DPP6: variants seen among roughly 807,000 people sequenced by gnomAD.
DPP6 encodes the protein A-type potassium channel modulatory protein DPP6.
A neutral mutation model predicts 122.6 loss-of-function variants in DPP6; 69 were observed. That is an observed-to-expected ratio of 0.56 (90% CI 0.46 to 0.69). DPP6 has a LOEUF of 0.69. DPP6 is among the 30% of genes least tolerant of loss of function. The probability of loss-of-function intolerance (pLI) is 0.00; values close to 1 mark genes in which losing one functional copy is unlikely to be tolerated. For synonymous variants in DPP6, 418 were observed against 433.1 expected (o/e 0.97, Z 0.43); for missense variants, 928 against 1,116.9 (o/e 0.83, Z 2.41).
chr7:154,306,617 T>C (rs898286764), intron 1 of DPP6, among the ~76,000 whole-genome samples: 4 of 152,198 alleles, frequency 2.6e-5, no homozygotes, highest in Non-Finnish European at 5.9e-5. Flanking sequence ...TTCAGAGACT[T>C]ACACGAAGAT....
intron 1 of DPP6, among the ~76,000 whole-genome samples, chr7:154,121,101 C>T (rs1426790296): frequency 1.3e-5 from 2 of 152,134 alleles, no homozygotes; most frequent in Non-Finnish European, 2.9e-5. Context: ...GGGGCGCCTT[C>T]CTCCATAACT....
At chr7:154,794,252 C>T in intron 11 of DPP6, 50 bp downstream of exon 11, 1 of 1,521,418 alleles carries the variant, frequency 6.6e-7, no homozygotes, top group Non-Finnish European at 8.9e-7. Flanking sequence ...AACCGATGGT[C>T]AGACGCGCCC....
In DPP6 at chr7:154,364,803, T is replaced by G. The variant is rs964899942; in HGVS notation, c.244-81411T>G. On this transcript the variant is annotated intron_variant, in intron 1 of 25. Transcript: ENST00000377770. ...ATGTCTTAACTTTTGCATTGGATGA[T>G]GTTACCTATGTTGGGAGTTACATCG... 3.3e-5 allele frequency among the ~76,000 whole-genome samples: 5 copies of G among 152,238 alleles called. No individual in the cohort carries two copies. In the East Asian group the frequency reaches 9.6e-4, roughly 29 times the overall value.
rs571749302 is a variant in DPP6 at position 153,968,211 on chromosome 7, G to A, written c.51+80477G>A. On this transcript the variant is annotated intron_variant, in intron 1 of 25. Coordinates refer to the DPP6 transcript ENST00000404039. ...CTCTGTAGCCTTGACAGCATTTGTT[G>A]TTATTTGACTTTTTAAAAAAACCAT... 7.5e-3 allele frequency among the ~76,000 whole-genome samples: 1,057 copies of A among 141,808 alleles called. 17 individuals carry two copies. The highest frequency in any genetic ancestry group is 0.031 in the African/African-American group (988 of 31,734). 93.0% of individuals were successfully genotyped at this position (141,808 alleles called of 152,430 possible).
At chr7:154,697,818 G>T (rs1340428374) in intron 7 of DPP6, among the ~76,000 whole-genome samples, 1 of 152,132 alleles carries the variant, frequency 6.6e-6, no homozygotes, top group Non-Finnish European at 1.5e-5. Flanking sequence ...GGCGTGCGCG[G>T]CTCTGTCTGT....
chr7:153,807,013 C>T, the DPP6 span, among the ~76,000 whole-genome samples: 4 of 152,072 alleles, frequency 2.6e-5, no homozygotes, highest in South Asian at 6.3e-4. Flanking sequence ...AATTCTTTAT[C>T]GAATTGCAGA....
At chr7:154,798,194 C>T (rs775276217) in intron 12 of DPP6, among the ~76,000 whole-genome samples, 3 of 152,210 alleles carry the variant, frequency 2.0e-5, no homozygotes, top group South Asian at 4.1e-4. Flanking sequence ...TCTGGATGGA[C>T]GGCAGAGTGC....
the DPP6 span, among the ~76,000 whole-genome samples, chr7:153,792,666 T>G: frequency 3.1e-4 from 47 of 152,296 alleles, 2 homozygotes; most frequent in South Asian, 9.5e-3. Flanking sequence ...TGTTCTTTTT[T>G]TTTTTCAGAG....
chr7:154,254,187 G>A (rs918062797), intron 1 of DPP6, among the ~76,000 whole-genome samples: 1 of 152,126 alleles, frequency 6.6e-6, no homozygotes, highest in Non-Finnish European at 1.5e-5. Context: ...ATGAAGAAAT[G>A]GGGGTTTAAC....
intron 18 of DPP6, among the ~76,000 whole-genome samples, chr7:154,872,412 G>T (rs1243646089): frequency 6.6e-6 from 1 of 152,216 alleles, no homozygotes; most frequent in African/African-American, 2.4e-5. Context: ...AAGCTTCAGA[G>T]AAATGAAGCT....
chr7:154,663,846 T>C (rs1490135473), intron 6 of DPP6, among the ~76,000 whole-genome samples: 1 of 113,262 alleles, frequency 8.8e-6, no homozygotes, highest in African/African-American at 2.7e-5. Flanking sequence ...AGTATTCATA[T>C]AGTCATGGTG....
intron 7 of DPP6, among the ~76,000 whole-genome samples, chr7:154,699,474 A>G (rs1250008847): frequency 6.6e-6 from 1 of 152,152 alleles, no homozygotes; most frequent in Non-Finnish European, 1.5e-5. Context: ...TTTCAGAGAG[A>G]AAACGTTCAC....
In DPP6 at chr7:154,509,883, A is replaced by C. The variant is rs2129772068; in HGVS notation, c.458-30649A>C. Among the ~76,000 whole-genome samples, 3 of 152,292 alleles carry C rather than the reference A, an allele frequency of 2.0e-5. No individual in the cohort carries two copies. In the Middle Eastern group the frequency reaches 0.01, roughly 518 times the overall value. On this transcript the variant is annotated intron_variant, in intron 3 of 25. Transcript: ENST00000377770. ...TTTATATGAACTATTCAGAGCAGAG[A>C]ACTCTATACAGACAGAAAATGGGAT...
intron 1 of DPP6, among the ~76,000 whole-genome samples, chr7:154,413,565 A>G (rs529938317): frequency 6.6e-6 from 1 of 152,332 alleles, no homozygotes; most frequent in Admixed American, 6.5e-5. Flanking sequence ...CGTTTTAACA[A>G]CATTTAGTTT....
At chr7:154,782,633 T>A (rs995568381) in intron 10 of DPP6, among the ~76,000 whole-genome samples, 59 of 152,094 alleles carry the variant, frequency 3.9e-4, no homozygotes, top group African/African-American at 1.4e-3. Context: ...AGACAGAGGA[T>A]CGCTCGTCTC....
chr7:154,649,637 C>T (rs995484165), intron 6 of DPP6, among the ~76,000 whole-genome samples: 5 of 152,206 alleles, frequency 3.3e-5, no homozygotes, highest in Non-Finnish European at 4.4e-5. Flanking sequence ...GCTCACTGCA[C>T]ATAGATCTGT....
intron 1 of DPP6, among the ~76,000 whole-genome samples, chr7:153,890,003 A>G (rs1799118000): frequency 1.3e-5 from 2 of 152,106 alleles, no homozygotes; most frequent in Non-Finnish European, 1.5e-5. Context: ...GCTTTGGAAG[A>G]CTCTTGCTAA....
chr7:154,769,533 T>G lies in DPP6; in HGVS notation c.1000T>G (p.Ser334Ala). The change falls in exon 9 of 26, where the codon TCC becomes GCC. Residue 334 changes from serine (S) to alanine (A), a missense_variant. Transcript: ENST00000377770. ...PIMELPTYTG[S>A]IYPTVKPYHY... ...CATGGAGCTCCCAACTTACACCGGC[T>G]CCATCTACCCCACCGTGAAGCCCTA... is the stretch of plus-strand genomic sequence containing the variant. 1 of 1,612,738 alleles carries G rather than the reference T, an allele frequency of 6.2e-7. No individual in the cohort carries two copies. The highest frequency in any genetic ancestry group is 1.1e-5 in the South Asian group (1 of 90,950).
At chr7:154,634,199 C>T (rs1835583712) in intron 5 of DPP6, among the ~76,000 whole-genome samples, 1 of 122,486 alleles carries the variant, frequency 8.2e-6, no homozygotes, top group Non-Finnish European at 1.6e-5. Context: ...GTGTGATTTT[C>T]CCCTTCCTGA....
Sources: allele counts gnomAD v4.1 joint callset (sites outside exome capture counted in the v4.1 genomes callset), GRCh38; gene constraint gnomAD v4.1.1; transcripts MANE v1.5; gene names NCBI Gene and HGNC (gene_info 2026-07-23, HGNC 2026-07-21).